Variants in ERO1A observed in about 807,000 individuals in gnomAD.
ERO1A encodes endoplasmic reticulum oxidoreductase 1 alpha, also known as ERO1-like protein alpha.
ERO1A carries 49 observed loss-of-function variants against 76.9 expected under a neutral mutation model. The observed-to-expected ratio is 0.64, with a 90% CI of 0.51 to 0.81. ERO1A has a LOEUF of 0.81. ERO1A is among the 30% of genes least tolerant of loss of function. The pLI is 0.00. For synonymous variants in ERO1A, 174 were observed against 181.2 expected (o/e 0.96, Z 0.32); for missense variants, 448 against 542.1 (o/e 0.83, Z 1.72).
intron 8 of ERO1A, among the ~76,000 whole-genome samples, chr14:52,663,559 C>CTGGGTG (rs2040301574): frequency 6.7e-6 from 1 of 149,854 alleles, no homozygotes; most frequent in African/African-American, 2.5e-5. Context: ...AAAGTCACGC[C>CTGGGTG]ACTGCACTCC....
rs943105031 is a variant in ERO1A, at chr14:52,694,691, A to G, written c.114+677T>C. ...GAAACCACATCTCTTACAGAAGGAAATGATCATAATCCGCTTGTAATTAAA... is the reference window on the plus strand; with the variant it reads ...GAAACCACATCTCTTACAGAAGGAAGTGATCATAATCCGCTTGTAATTAAA... On this transcript the variant is annotated intron_variant, in intron 1 of 15. Coordinates refer to ENST00000395686, the MANE Select transcript of ERO1A (RefSeq NM_014584.3). Among the ~76,000 whole-genome samples the G allele has an allele frequency of 2.0e-5, 3 of 152,122 alleles. No homozygotes were observed. In the East Asian group the frequency reaches 5.8e-4, roughly 29 times the overall value.
In ERO1A at chr14:52,656,339, AAAT is replaced by A. The variant is rs1164633931; in HGVS notation, c.808+1575_808+1577del. Among the ~76,000 whole-genome samples, 8 of 152,228 alleles carry A rather than the reference AAAT, an allele frequency of 5.3e-5. No individual in the cohort carries two copies. In the East Asian group the frequency reaches 1.5e-3, roughly 29 times the overall value. On this transcript the variant is annotated intron_variant, in intron 11 of 15. Coordinates refer to ENST00000395686, the MANE Select transcript of ERO1A (RefSeq NM_014584.3). ...AATTTCCTTTTTTAAAGATGAAAAA[AAAT>A]AATAGTCAAACTTCTGAATATAAAC...
chr14:52,642,235 T>TA lies in ERO1A; in HGVS notation c.*1334dup, dbSNP rs2039499251. On this transcript the variant is annotated 3_prime_UTR_variant, in exon 16 of 16. Coordinates refer to ENST00000395686, the MANE Select transcript of ERO1A (RefSeq NM_014584.3). ...AGACAAAGGAAATGAACTTCGGGTA[T>TA]AAAAAACAAAAATGAAACTGGGTAT... is the stretch of plus-strand genomic sequence containing the variant. 2 of 151,934 alleles carry TA rather than the reference T, an allele frequency of 1.3e-5. No homozygotes were observed. The highest frequency in any genetic ancestry group is 2.9e-5 in the Non-Finnish European group (2 of 67,966). The allele number at this position is 151,934 out of a possible 1,614,324, so 9.4% of individuals were successfully genotyped here.
intron 8 of ERO1A, 72 bp from the exon 9 acceptor site, chr14:52,661,376 TA>T: frequency 8.0e-7 from 1 of 1,247,136 alleles, no homozygotes; most frequent in Admixed American, 2.7e-5. Flanking sequence ...TACACTTTCA[TA>T]AAAATAAGAC....
intron 3 of ERO1A, among the ~76,000 whole-genome samples, chr14:52,680,913 T>A (rs1306091158): frequency 6.6e-6 from 1 of 152,176 alleles, no homozygotes; most frequent in African/African-American, 2.4e-5. Flanking sequence ...TTTACATATG[T>A]AAAATTAAAC....
intron 4 of ERO1A, 28 bp downstream of exon 4, chr14:52,678,405 TG>T: frequency 6.3e-7 from 1 of 1,597,362 alleles, no homozygotes; most frequent in Non-Finnish European, 8.6e-7. Context: ...ATTAAGATAC[TG>T]GACACATCAA....
intron 12 of ERO1A, among the ~76,000 whole-genome samples, 192 bp from the exon 13 acceptor site, chr14:52,652,500 C>T (rs1192508012): frequency 6.6e-6 from 1 of 152,054 alleles, no homozygotes; most frequent in Non-Finnish European, 1.5e-5. Context: ...AGAAATTTGA[C>T]CCCAAATCCA....
chr14:52,643,763 G>C (rs1566632734), intron 15 of ERO1A, 133 bp from the exon 16 acceptor site: 2 of 527,212 alleles, frequency 3.8e-6, no homozygotes. Context: ...ACCATTTAAT[G>C]TATTTTAATA....
In ERO1A at chr14:52,652,993, T is replaced by TC; in HGVS notation, c.1055+75dup. ...CTGGGCAACAGAGGGAGAGCCTGTC[T>TC]CAAAAAAAAAAAAATTTATCTTGTA... On this transcript the variant is annotated intron_variant, in intron 12 of 15. Coordinates refer to ENST00000395686, the MANE Select transcript of ERO1A (RefSeq NM_014584.3). 5 of 994,696 alleles carry TC rather than the reference T, an allele frequency of 5.0e-6. No homozygotes were observed. The African/African-American group carries it at 6.6e-5, about 13-fold the overall frequency. 61.6% of individuals were successfully genotyped at this position (994,696 alleles called of 1,614,324 possible).
rs1472360817 is a variant in ERO1A at position 52,643,369 on chromosome 14, CT to C, written c.*200del. On this transcript the variant is annotated 3_prime_UTR_variant, in exon 16 of 16. Coordinates refer to ENST00000395686, the MANE Select transcript of ERO1A (RefSeq NM_014584.3). ...TTTGTACCACATTATTAAAGTATTA[CT>C]TTTACTCACAGTAGTATTATACATA... The C allele has an allele frequency of 5.3e-6, 2 of 379,058 alleles. No homozygotes were observed. Among genetic ancestry groups the C allele is most frequent in the African/African-American group, 4.2e-5 (2 of 47,812 alleles). The allele number at this position is 379,058 out of a possible 1,614,324, so 23.5% of individuals were successfully genotyped here. A position where few individuals can be genotyped will look rare whatever the true frequency, so the allele number is the denominator to read the frequency against.
chr14:52,679,453 G>T (rs2040914679), intron 3 of ERO1A, among the ~76,000 whole-genome samples: 1 of 149,626 alleles, frequency 6.7e-6, no homozygotes, highest in Non-Finnish European at 1.5e-5. Context: ...TCACTCTGTT[G>T]CCCAGGCTGG....
intron 7 of ERO1A, among the ~76,000 whole-genome samples, chr14:52,665,084 C>A (rs183976263): frequency 6.6e-6 from 1 of 151,684 alleles, no homozygotes; most frequent in African/African-American, 2.4e-5. Context: ...GGTGGATCAC[C>A]TGAGGTCAGG....
intron 7 of ERO1A, among the ~76,000 whole-genome samples, chr14:52,664,692 G>C (rs1472350743): frequency 1.3e-5 from 2 of 152,006 alleles, no homozygotes; most frequent in African/African-American, 4.8e-5. Context: ...CTTTGAGACA[G>C]AGTCATTCTT....
At position 52,641,258 on chromosome 14, in the gene ERO1A, G is replaced by A. The variant is rs183483211; in HGVS notation, c.*2312C>T. ...GCAGATTTTAGTTAAGGAGCCAGTA[G>A]AAGGTGACAAAGTAGAGGTAAGAAT... On this transcript the variant is annotated 3_prime_UTR_variant, in exon 16 of 16. Coordinates refer to ENST00000395686, the MANE Select transcript of ERO1A (RefSeq NM_014584.3). The A allele has an allele frequency of 6.6e-6, 1 of 152,090 alleles. No individual in the cohort carries two copies. The highest frequency in any genetic ancestry group is 1.9e-4 in the East Asian group (1 of 5,160). The allele number at this position is 152,090 out of a possible 1,614,324, so 9.4% of individuals were successfully genotyped here.
At chr14:52,684,205 T>C (rs893053604) in intron 1 of ERO1A, among the ~76,000 whole-genome samples, 1 of 151,604 alleles carries the variant, frequency 6.6e-6, no homozygotes, top group Non-Finnish European at 1.5e-5. Flanking sequence ...CTCCAGGCCA[T>C]AGTTGACCTG....
At chr14:52,689,842 A>T (rs2041296992) in intron 1 of ERO1A, among the ~76,000 whole-genome samples, 1 of 152,230 alleles carries the variant, frequency 6.6e-6, no homozygotes, top group African/African-American at 2.4e-5. Flanking sequence ...ATTTTGCAAG[A>T]ACAAACCTGG....
At chr14:52,657,686 T>C (rs1241698121) in intron 11 of ERO1A, among the ~76,000 whole-genome samples, 3 of 152,198 alleles carry the variant, frequency 2.0e-5, no homozygotes, top group African/African-American at 7.2e-5. Context: ...CAAAGTGATA[T>C]GGACAATTTT....
At position 52,676,533 on chromosome 14, in the gene ERO1A, G is replaced by A. The variant is rs559769146; in HGVS notation, c.357+1901C>T. On this transcript the variant is annotated intron_variant, in intron 4 of 15. Transcript: ENST00000395686. ...CCCGTGCTTCCCAAGGCTGTAAGGA[G>A]GCAGCTGTCCCTAGTCATTTGTGTC... 5.3e-5 allele frequency among the ~76,000 whole-genome samples: 8 copies of A among 152,322 alleles called. No individual in the cohort carries two copies. In the East Asian group the frequency reaches 1.3e-3, roughly 26 times the overall value.
At chr14:52,646,722 A>C in intron 13 of ERO1A, 3 of 306,196 alleles carry the variant, frequency 9.8e-6, no homozygotes, top group Non-Finnish European at 1.8e-5. Context: ...GTGTTTAGGT[A>C]ACTTGCCTAA....
Sources: allele counts gnomAD v4.1 joint callset (sites outside exome capture counted in the v4.1 genomes callset), GRCh38; gene constraint gnomAD v4.1.1; transcripts MANE v1.5; gene names NCBI Gene and HGNC (gene_info 2026-07-23, HGNC 2026-07-21).